EPHA5: variants seen among roughly 807,000 people sequenced by gnomAD.
The protein encoded by EPHA5 is ephrin type-A receptor 5.
A neutral mutation model predicts 105.0 loss-of-function variants in EPHA5; 60 were observed. The observed-to-expected ratio is 0.57, with a 90% CI of 0.46 to 0.71. The LOEUF (loss-of-function observed/expected upper bound fraction) is 0.71, where lower values mean the gene tolerates loss of function less well. Ranked by LOEUF, EPHA5 falls within the 30% of genes least tolerant of loss-of-function variation. EPHA5 has a pLI of 0.00. For synonymous variants in EPHA5, 513 were observed against 449.1 expected (o/e 1.14, Z -1.80); for missense variants, 1,218 against 1,274.7 (o/e 0.96, Z 0.68).
At chr4:65,341,241 T>C (rs76743685) in intron 14 of EPHA5, among the ~76,000 whole-genome samples, 5,305 of 152,204 alleles carry the variant, frequency 0.035, 115 homozygotes, top group South Asian at 0.096. Flanking sequence ...AAAATTATTA[T>C]ACACATTTCA....
At chr4:65,538,336 A>AG in intron 3 of EPHA5, among the ~76,000 whole-genome samples, 1 of 151,826 alleles carries the variant, frequency 6.6e-6, no homozygotes, top group Non-Finnish European at 1.5e-5. Flanking sequence ...AAAAATGTTT[A>AG]GGGTAATCAA....
chr4:65,320,346 T>C lies in EPHA5; in HGVS notation c.*3768A>G, dbSNP rs1719543381. ...TTCTTCATCATCATCATCATCATCA[T>C]CATCAGGATCATCATCATATTGTAC... On this transcript the variant is annotated 3_prime_UTR_variant, in exon 17 of 17. Coordinates refer to ENST00000613740, the MANE Select transcript of EPHA5 (RefSeq NM_001281766.3). 1.3e-5 allele frequency: 3 copies of C among 230,132 alleles called. No homozygotes were observed. The highest frequency in any genetic ancestry group is 2.6e-5 in the Non-Finnish European group (3 of 116,242). 14.3% of individuals were successfully genotyped at this position (230,132 alleles called of 1,614,324 possible).
chr4:65,354,227 C>T (rs1723092412), intron 11 of EPHA5, among the ~76,000 whole-genome samples: 1 of 151,792 alleles, frequency 6.6e-6, no homozygotes, highest in South Asian at 2.1e-4. Flanking sequence ...TTTAAAAATA[C>T]ATTTGATCAA....
At chr4:65,468,679 C>T (rs1266697825) in intron 5 of EPHA5, among the ~76,000 whole-genome samples, 4 of 1,074 alleles carry the variant, frequency 3.7e-3, no homozygotes, top group African/African-American at 4.6e-3. Context: ...AACATATATA[C>T]ATATATATAT....
At chr4:65,367,282 A>C in intron 9 of EPHA5, 75 bp downstream of exon 9, 1 of 1,229,350 alleles carries the variant, frequency 8.1e-7, no homozygotes, top group South Asian at 1.3e-5. Context: ...TAAATCTTGT[A>C]GCCTGAAAAG....
At chr4:65,345,834 G>A (rs1281766078) in intron 14 of EPHA5, among the ~76,000 whole-genome samples, 1 of 151,892 alleles carries the variant, frequency 6.6e-6, no homozygotes, top group Non-Finnish European at 1.5e-5. Context: ...GTGCAGTGGC[G>A]CAATCTCGGC....
intron 14 of EPHA5, 152 bp downstream of exon 14, chr4:65,347,902 G>A: frequency 1.3e-6 from 1 of 747,952 alleles, no homozygotes; most frequent in Non-Finnish European, 2.0e-6. Flanking sequence ...CTGCTTAAAG[G>A]ATATTTCAAC....
intron 3 of EPHA5, among the ~76,000 whole-genome samples, chr4:65,581,337 CT>C (rs1297763612): frequency 1.3e-5 from 2 of 151,334 alleles, no homozygotes; most frequent in Admixed American, 1.3e-4. Flanking sequence ...TTTTTTTGTT[CT>C]TGTTAATCTG....
chr4:65,400,858 G>A (rs1721745821), intron 8 of EPHA5, among the ~76,000 whole-genome samples: 1 of 151,960 alleles, frequency 6.6e-6, no homozygotes, highest in Non-Finnish European at 1.5e-5. Flanking sequence ...TTACATGCAA[G>A]TGATGTTAAT....
intron 5 of EPHA5, among the ~76,000 whole-genome samples, chr4:65,487,874 C>T (rs943174046): frequency 6.6e-6 from 1 of 152,158 alleles, no homozygotes; most frequent in African/African-American, 2.4e-5. Flanking sequence ...TCAATTGACT[C>T]TCTCTGGGGA....
intron 3 of EPHA5, among the ~76,000 whole-genome samples, chr4:65,595,945 A>G (rs1446007745): frequency 6.6e-6 from 1 of 152,178 alleles, no homozygotes; most frequent in African/African-American, 2.4e-5. Context: ...AGCAACTTGC[A>G]TGGGGATACA....
rs2148813407 is a variant in EPHA5 at position 65,336,039 on chromosome 4, C to A, written c.2682G>T (p.Trp894Cys). Reference protein sequence around the residue: ...AALYQLMLDCWQKERNSRPKF... With the variant: ...AALYQLMLDCCQKERNSRPKF... ...TGGGCCTGCTATTTCGCTCTTTCTG[C>A]CAGCAATCCAGCATTAACTGATAGA... Residue 894 changes from tryptophan (W) to cysteine (C), a missense_variant, in exon 15 of 17, where the codon TGG (tryptophan) becomes TGT (cysteine). This residue lies in a region of EPHA5 where 971 missense variants were observed against 1,013.5 expected (regional missense o/e 0.96). Transcript: ENST00000613740. The A allele has an allele frequency of 6.2e-7, 1 of 1,613,352 alleles. No homozygotes were observed. Among genetic ancestry groups the A allele is most frequent in the Non-Finnish European group, 8.5e-7 (1 of 1,179,618 alleles).
Position 65,348,069 on chromosome 4 carries a change from C to T in EPHA5, c.2580G>A (p.Glu860=), listed in dbSNP as rs372762875. The T allele has an allele frequency of 5.5e-5, 88 of 1,606,564 alleles. No individual in the cohort carries two copies. In the African/African-American group the frequency reaches 1.0e-3, roughly 19 times the overall value. Residue 860 remains glutamate (E), a synonymous_variant, in exon 14 of 17, where the codon GAG becomes GAA. Transcript: ENST00000613740. ...CCATACTCACATCTTGATTGGTCATCTCCCAGTAGGGTCTCTCTCCATAAG... is the reference window on the plus strand; with the variant it reads ...CCATACTCACATCTTGATTGGTCATTTCCCAGTAGGGTCTCTCTCCATAAG... ...VVSYGERPYW[E]MTNQDVIKAV...
Position 65,638,148 on chromosome 4 carries a change from C to A in EPHA5, c.246+5215G>T, listed in dbSNP as rs116241930. Among the ~76,000 whole-genome samples, 1,364 of 152,184 alleles carry A rather than the reference C, an allele frequency of 9.0e-3. 18 individuals are homozygous for A. Among genetic ancestry groups the A allele is most frequent in the African/African-American group, 0.031 (1,282 of 41,524 alleles). On this transcript the variant is annotated intron_variant, in intron 2 of 16. Transcript: ENST00000613740. The stretch of plus-strand genomic sequence containing the variant: ...TGAAAAAAGTGAAGAAAGTGTAGTA[C>A]TTTTAATTGAATATTCATACAATTG...
intron 11 of EPHA5, among the ~76,000 whole-genome samples, chr4:65,355,742 G>T (rs1000859771): frequency 1.3e-5 from 2 of 151,574 alleles, no homozygotes; most frequent in East Asian, 3.9e-4. Context: ...GAATTTGAAA[G>T]AACTCAGCGA....
At chr4:65,570,293 T>G (rs1283900806) in intron 3 of EPHA5, among the ~76,000 whole-genome samples, 2 of 151,962 alleles carry the variant, frequency 1.3e-5, no homozygotes, top group African/African-American at 4.8e-5. Context: ...ATTATCAAGC[T>G]ATTTTCTTTA....
intron 4 of EPHA5, among the ~76,000 whole-genome samples, chr4:65,492,520 A>C (rs887543175): frequency 3.4e-5 from 5 of 145,984 alleles, no homozygotes; most frequent in Admixed American, 7.0e-5. Context: ...CCCTTAACTA[A>C]AAAACTTGAC....
chr4:65,534,750 C>A (rs915345960), intron 3 of EPHA5, among the ~76,000 whole-genome samples: 1 of 152,138 alleles, frequency 6.6e-6, no homozygotes, highest in Non-Finnish European at 1.5e-5. Flanking sequence ...ATTACAGATG[C>A]AATGTTCATA....
intron 3 of EPHA5, among the ~76,000 whole-genome samples, chr4:65,562,346 T>A (rs1739096289): frequency 6.6e-6 from 1 of 152,106 alleles, no homozygotes; most frequent in Non-Finnish European, 1.5e-5. Flanking sequence ...TCTCAATTGT[T>A]TCTTTTGCAC....
Sources: allele counts gnomAD v4.1 joint callset (sites outside exome capture counted in the v4.1 genomes callset), GRCh38; gene constraint gnomAD v4.1.1; regional missense constraint gnomAD v4.1.1; transcripts MANE v1.5; gene names NCBI Gene and HGNC (gene_info 2026-07-23, HGNC 2026-07-21).